Variants in BANF2 observed in about 807,000 individuals in gnomAD.
The protein encoded by BANF2 is BANF family member 2, also known as barrier-to-autointegration factor-like protein.
In BANF2, 4 loss-of-function variants were observed where a neutral mutation model predicts 8.0. That is an observed-to-expected ratio of 0.50 (90% CI 0.25 to 1.14). BANF2 has a LOEUF of 1.14. Among genes scored for constraint, BANF2 ranks in the 50% most tolerant of loss-of-function variants. BANF2 has a pLI of 0.16. For synonymous variants in BANF2, 50 were observed against 40.6 expected (o/e 1.23, Z -0.88); for missense variants, 96 against 107.5 (o/e 0.89, Z 0.47).
exon 1 of BANF2, chr20:17,693,704 A>G (rs769555058): frequency 1.3e-6 from 2 of 1,551,586 alleles, no homozygotes; most frequent in South Asian, 1.2e-5. Flanking sequence ...GCGAGGAACA[A>G]AGGTAAGGCA....
intron 1 of BANF2, among the ~76,000 whole-genome samples, chr20:17,705,796 T>C (rs1034202741): frequency 6.6e-5 from 10 of 152,242 alleles, no homozygotes; most frequent in African/African-American, 2.4e-4. Flanking sequence ...GATGCTATGT[T>C]GAGGCATACT....
chr20:17,700,170 CAGGA>C, intron 1 of BANF2, 115 bp downstream of exon 1: 1 of 241,496 alleles, frequency 4.1e-6, no homozygotes, highest in Non-Finnish European at 6.7e-6. Context: ...AACCGGTGGA[CAGGA>C]GTTCACCAGG....
At position 17,714,153 on chromosome 20, in the gene BANF2, T is replaced by C. The variant is rs528719975; in HGVS notation, c.-166-8563T>C. On this transcript the variant is annotated intron_variant, in intron 1 of 3. Transcript: ENST00000246090. Reference sequence around the variant, plus strand: ...CAGAGATTGTAGTGAGCCGAGATTGTACCACTGCACTCCAGCAGCCTGGGC... The same window carrying C: ...CAGAGATTGTAGTGAGCCGAGATTGCACCACTGCACTCCAGCAGCCTGGGC... 5.4e-5 allele frequency among the ~76,000 whole-genome samples: 7 copies of C among 129,166 alleles called. No individual in the cohort carries two copies. The South Asian group carries it at 9.4e-4, about 17-fold the overall frequency. The allele number at this position is 129,166 out of a possible 152,430, so 84.7% of individuals were successfully genotyped here. A position where few individuals can be genotyped will look rare whatever the true frequency, so the allele number is the denominator to read the frequency against.
intron 1 of BANF2, among the ~76,000 whole-genome samples, chr20:17,721,309 C>T (rs1245139928): frequency 7.2e-5 from 11 of 152,088 alleles, no homozygotes; most frequent in South Asian, 2.1e-4. Context: ...AGAGTTTCTG[C>T]GGGAGGTTGC....
In BANF2 at chr20:17,722,763, C is replaced by T; in HGVS notation, c.-119C>T. 1.0e-6 allele frequency: 1 copy of T among 984,714 alleles called. No individual in the cohort carries two copies. Among genetic ancestry groups the T allele is most frequent in the African/African-American group, 1.7e-5 (1 of 57,324 alleles). The allele number at this position is 984,714 out of a possible 1,614,324, so 61.0% of individuals were successfully genotyped here. A position where few individuals can be genotyped will look rare whatever the true frequency, so the allele number is the denominator to read the frequency against. On this transcript the variant is annotated 5_prime_UTR_variant, in exon 2 of 4. Transcript: ENST00000246090. ...ACTTTTCTTAGGAGCCCCCTGACTT[C>T]CAAAATCAGTGCCTTTGGATTCATC...
chr20:17,730,753 C>T (rs753412373), intron 3 of BANF2, among the ~76,000 whole-genome samples: 6 of 152,218 alleles, frequency 3.9e-5, no homozygotes, highest in Non-Finnish European at 7.3e-5. Flanking sequence ...CTGAAGGCTC[C>T]AACTCCTTTC....
At chr20:17,728,711 C>T (rs2037847677) in intron 3 of BANF2, among the ~76,000 whole-genome samples, 1 of 152,146 alleles carries the variant, frequency 6.6e-6, no homozygotes, top group Non-Finnish European at 1.5e-5. Flanking sequence ...CTACCTAAGC[C>T]TCTTCGGGAG....
At position 17,725,145 on chromosome 20, in the gene BANF2, C is replaced by T. The variant is rs2037788872; in HGVS notation, c.120C>T (p.Ile40=). 6.2e-7 allele frequency: 1 copy of T among 1,611,734 alleles called. No individual in the cohort carries two copies. The highest frequency in any genetic ancestry group is 8.5e-7 in the Non-Finnish European group (1 of 1,177,838). Residue 40 remains isoleucine, a synonymous_variant, in exon 3 of 4, where the codon ATC becomes ATT. Transcript: ENST00000246090. ...ELAINLVTKG[I]NKAYILLGQF... Reference sequence around the variant, plus strand: ...CGATCAATTTGGTCACCAAAGGTATCAATAAGGTAATTCATATTTTCTTAC... The same window carrying T: ...CGATCAATTTGGTCACCAAAGGTATTAATAAGGTAATTCATATTTTCTTAC...
upstream of BANF2, among the ~76,000 whole-genome samples, chr20:17,697,859 T>C (rs1258556788): frequency 1.3e-5 from 2 of 152,300 alleles, no homozygotes; most frequent in Admixed American, 1.3e-4. Context: ...CATGAATGTC[T>C]TGGTGCTGTA....
chr20:17,697,416 T>C (rs1427179659), upstream of BANF2, among the ~76,000 whole-genome samples: 1 of 152,144 alleles, frequency 6.6e-6, no homozygotes, highest in Non-Finnish European at 1.5e-5. Flanking sequence ...ACATTCCTAA[T>C]GATACTCCAA....
chr20:17,697,622 T>C (rs2037356997), upstream of BANF2, among the ~76,000 whole-genome samples: 1 of 152,132 alleles, frequency 6.6e-6, no homozygotes, highest in Non-Finnish European at 1.5e-5. Context: ...AGGATTTGAG[T>C]GGAAGCAGTT....
intron 3 of BANF2, among the ~76,000 whole-genome samples, chr20:17,734,640 G>A (rs1020385912): frequency 1.6e-4 from 25 of 152,318 alleles, no homozygotes; most frequent in African/African-American, 5.5e-4. Context: ...GCAATGTTTG[G>A]GGATGGTTAT....
upstream of BANF2, among the ~76,000 whole-genome samples, chr20:17,698,133 G>A (rs547431890): frequency 5.9e-5 from 9 of 152,090 alleles, no homozygotes; most frequent in Non-Finnish European, 8.8e-5. Flanking sequence ...GCTTGAACCC[G>A]GGAGGCGGAG....
chr20:17,704,943 C>T (rs1045246946), intron 1 of BANF2, among the ~76,000 whole-genome samples: 5 of 152,194 alleles, frequency 3.3e-5, no homozygotes, highest in Admixed American at 2.6e-4. Context: ...CCACTTCTTG[C>T]CTAATCTTTC....
At chr20:17,726,107 C>A (rs962047800) in intron 3 of BANF2, among the ~76,000 whole-genome samples, 19 of 152,298 alleles carry the variant, frequency 1.2e-4, no homozygotes, top group Non-Finnish European at 1.5e-4. Flanking sequence ...AGATTGGATT[C>A]TTTCCTGCCA....
chr20:17,695,661 G>T (rs1230558530), upstream of BANF2, among the ~76,000 whole-genome samples: 1 of 151,950 alleles, frequency 6.6e-6, no homozygotes, highest in Non-Finnish European at 1.5e-5. Flanking sequence ...ATACATATAT[G>T]TGTATATAGT....
chr20:17,730,922 TA>T (rs1429332914), intron 3 of BANF2, among the ~76,000 whole-genome samples: 1 of 152,174 alleles, frequency 6.6e-6, no homozygotes, highest in East Asian at 1.9e-4. Context: ...AGTGTAAAAT[TA>T]AAAGACAGGG....
At chr20:17,709,536 A>G (rs2037537817) in intron 1 of BANF2, among the ~76,000 whole-genome samples, 1 of 152,300 alleles carries the variant, frequency 6.6e-6, no homozygotes, top group South Asian at 2.1e-4. Flanking sequence ...CCACCTGTAC[A>G]CAAGATGCCC....
chr20:17,708,384 T>G (rs966089292), intron 1 of BANF2, among the ~76,000 whole-genome samples: 1 of 152,164 alleles, frequency 6.6e-6, no homozygotes, highest in African/African-American at 2.4e-5. Context: ...TTTTGTTGGG[T>G]CCATACAGCA....
Sources: allele counts gnomAD v4.1 joint callset (sites outside exome capture counted in the v4.1 genomes callset), GRCh38; gene constraint gnomAD v4.1.1; transcripts MANE v1.5; gene names NCBI Gene and HGNC (gene_info 2026-07-23, HGNC 2026-07-21).